The following SNX29 variants were observed in gnomAD, a reference collection of about 807,000 sequenced individuals.
SNX29 encodes the protein sorting nexin 29, also known as sorting nexin-29.
In SNX29, 78 loss-of-function variants were observed where a neutral mutation model predicts 102.1. The observed-to-expected ratio is 0.76, with a 90% CI of 0.64 to 0.92. SNX29 has a LOEUF of 0.92. SNX29 is among the 40% of genes least tolerant of loss of function. The pLI is 0.00. For synonymous variants in SNX29, 580 were observed against 414.5 expected (o/e 1.40, Z -4.85); for missense variants, 1,280 against 1,061.7 (o/e 1.21, Z -2.86).
intron 20 of SNX29, among the ~76,000 whole-genome samples, chr16:12,566,049 C>T (rs1025752330): frequency 5.3e-5 from 8 of 152,238 alleles, no homozygotes; most frequent in African/African-American, 1.9e-4. Flanking sequence ...TTTGAATGTT[C>T]ACTGTTGCCC....
chr16:12,515,842 G>C (rs1252203826), intron 19 of SNX29, among the ~76,000 whole-genome samples: 4 of 152,054 alleles, frequency 2.6e-5, no homozygotes, highest in Non-Finnish European at 5.9e-5. Context: ...CACAATTAAC[G>C]CGAGTGCCAG....
intron 18 of SNX29, among the ~76,000 whole-genome samples, chr16:12,471,470 C>G (rs1342364925): frequency 6.6e-6 from 1 of 152,196 alleles, no homozygotes; most frequent in Non-Finnish European, 1.5e-5. Context: ...ACTTGGCTGG[C>G]AAGGGGTGCA....
At chr16:12,442,881 C>A in intron 18 of SNX29, 1 of 388,974 alleles carries the variant, frequency 2.6e-6, no homozygotes, top group Non-Finnish European at 5.1e-6. Context: ...GTGTCAGCCA[C>A]CATACCTGGC....
At chr16:12,409,978 G>GT (rs920225865) in intron 18 of SNX29, among the ~76,000 whole-genome samples, 33 of 151,738 alleles carry the variant, frequency 2.2e-4, no homozygotes, top group African/African-American at 5.1e-4. Context: ...TCAGCAAAGC[G>GT]TTTTTTTTGT....
rs142559487 is a variant in SNX29, at chr16:12,326,092, C to T, written c.1783-30071C>T. Among the ~76,000 whole-genome samples the T allele has an allele frequency of 7.2e-3, 1,094 of 151,922 alleles. 14 individuals are homozygous for T. Among genetic ancestry groups the T allele is most frequent in the Middle Eastern group, 0.014 (4 of 292 alleles). On this transcript the variant is annotated intron_variant, in intron 15 of 20. Coordinates refer to ENST00000566228, the MANE Select transcript of SNX29 (RefSeq NM_032167.5). ...CCAGGCTGGAGTGCAGTGGTGCGAT[C>T]TTGGCTCACTGCAACCTCTGCCTCC...
Position 12,391,814 on chromosome 16 carries a change from T to G in SNX29, c.1900-6632T>G, listed in dbSNP as rs1026977238. 2.0e-5 allele frequency among the ~76,000 whole-genome samples: 3 copies of G among 152,352 alleles called. No homozygotes were observed. In the East Asian group the frequency reaches 5.8e-4, roughly 29 times the overall value. On this transcript the variant is annotated intron_variant, in intron 16 of 20. Coordinates refer to ENST00000566228, the MANE Select transcript of SNX29 (RefSeq NM_032167.5). ...TTCCCACTCCACTCTCCCTGAGGTA[T>G]TCACTGTTCTGATTTTCTTTCCACC...
chr16:12,408,532 G>C (rs1341280665), intron 18 of SNX29, among the ~76,000 whole-genome samples: 1 of 152,210 alleles, frequency 6.6e-6, no homozygotes, highest in Non-Finnish European at 1.5e-5. Context: ...GCTTGAAAAA[G>C]TCCTCCGGCC....
At chr16:12,169,133 T>C (rs1182172888) in intron 13 of SNX29, among the ~76,000 whole-genome samples, 1 of 152,242 alleles carries the variant, frequency 6.6e-6, no homozygotes, top group East Asian at 1.9e-4. Flanking sequence ...TCTGTGAATA[T>C]GCTGAAAACC....
intron 14 of SNX29, among the ~76,000 whole-genome samples, chr16:12,234,506 C>G: frequency 6.6e-6 from 1 of 151,952 alleles, no homozygotes; most frequent in South Asian, 2.1e-4. Flanking sequence ...TTCTACCATT[C>G]TGCAAGTTTC....
chr16:12,572,416 C>CA lies in SNX29; in HGVS notation c.*3788dup. 1 of 1,063,952 alleles carries CA rather than the reference C, an allele frequency of 9.4e-7. No individual in the cohort carries two copies. The highest frequency in any genetic ancestry group is 1.1e-6 in the Non-Finnish European group (1 of 878,410). 65.9% of individuals were successfully genotyped at this position (1,063,952 alleles called of 1,614,324 possible). ...CAGCCTGAGGCAGGGCTCTGTGGCC[C>CA]AGGCCGGCAGTGGCTGCCTCTCTTG... is the stretch of plus-strand genomic sequence containing the variant. On this transcript the variant is annotated 3_prime_UTR_variant, in exon 21 of 21. Coordinates refer to ENST00000566228, the MANE Select transcript of SNX29 (RefSeq NM_032167.5).
intron 19 of SNX29, among the ~76,000 whole-genome samples, chr16:12,520,932 C>G (rs1357087335): frequency 6.6e-6 from 1 of 152,174 alleles, no homozygotes; most frequent in Non-Finnish European, 1.5e-5. Flanking sequence ...GGTGCAGTAG[C>G]TCATGCCTGT....
chr16:12,541,752 G>T (rs993015817), intron 20 of SNX29, among the ~76,000 whole-genome samples: 1 of 152,142 alleles, frequency 6.6e-6, no homozygotes, highest in Admixed American at 6.5e-5. Context: ...GTGCCAGCCA[G>T]TGCCTGATAC....
chr16:12,481,133 A>G (rs2087887523), intron 19 of SNX29, among the ~76,000 whole-genome samples: 1 of 151,740 alleles, frequency 6.6e-6, no homozygotes, highest in Non-Finnish European at 1.5e-5. Context: ...ACATAACCCT[A>G]TTTGCAAATA....
intron 18 of SNX29, among the ~76,000 whole-genome samples, chr16:12,468,031 G>C (rs1301394592): frequency 6.6e-6 from 1 of 151,958 alleles, no homozygotes; most frequent in African/African-American, 2.4e-5. Context: ...TATCGTCTTG[G>C]ATCCCTCGTC....
At chr16:12,214,145 T>G (rs1370130760) in intron 14 of SNX29, among the ~76,000 whole-genome samples, 3 of 152,084 alleles carry the variant, frequency 2.0e-5, no homozygotes, top group African/African-American at 7.2e-5. Context: ...TGGCAGGGGC[T>G]TTCTTCTCCC....
chr16:12,130,345 G>A (rs1325728235), intron 13 of SNX29, among the ~76,000 whole-genome samples: 1 of 151,598 alleles, frequency 6.6e-6, no homozygotes, highest in African/African-American at 2.4e-5. Context: ...AGTGGTGACG[G>A]ACGCCTGTAG....
In SNX29 at chr16:12,199,668, G is replaced by A. The variant is rs1468975977; in HGVS notation, c.1663G>A (p.Gly555Ser). 6.2e-7 allele frequency: 1 copy of A among 1,612,066 alleles called. No individual in the cohort carries two copies. Among genetic ancestry groups the A allele is most frequent in the African/African-American group, 1.3e-5 (1 of 74,972 alleles). ...AGCTGTCCAGATGCTGAAAAGAGAA[G>A]GTCAAACAGCTGAAGGTGAGGGGGA... ...VGAVQMLKREGQTAEVPNLWS... is the reference protein window; with the variant it reads ...VGAVQMLKRESQTAEVPNLWS... Residue 555 changes from glycine to serine, a missense_variant, in exon 14 of 21, where the codon GGT (glycine) becomes AGT (serine). Physicochemically the swap from Gly to Ser is moderately conservative, Grantham distance 56. Transcript: ENST00000566228.
At chr16:12,118,304 A>G (rs1363191804) in intron 11 of SNX29, among the ~76,000 whole-genome samples, 2 of 117,426 alleles carry the variant, frequency 1.7e-5, no homozygotes, top group East Asian at 7.4e-4. Context: ...TAGTAGATAT[A>G]CAGACCACCT....
chr16:12,251,996 A>G (rs560780195), intron 14 of SNX29, among the ~76,000 whole-genome samples: 7 of 152,258 alleles, frequency 4.6e-5, no homozygotes, highest in African/African-American at 1.7e-4. Flanking sequence ...CCTGGCCTCA[A>G]GCAGTCCTCT....
Sources: allele counts gnomAD v4.1 joint callset (sites outside exome capture counted in the v4.1 genomes callset), GRCh38; gene constraint gnomAD v4.1.1; transcripts MANE v1.5; gene names NCBI Gene and HGNC (gene_info 2026-07-23, HGNC 2026-07-21).